The following RFC1 variants were observed in gnomAD, a reference collection of about 807,000 sequenced individuals.
RFC1 encodes A1 140 kDa subunit.
In RFC1, 37 loss-of-function variants were observed where a neutral mutation model predicts 137.4. The observed-to-expected ratio is 0.27, with a 90% CI of 0.21 to 0.35. RFC1 has a LOEUF of 0.35. Ranked by LOEUF, RFC1 falls within the 10% of genes least tolerant of loss-of-function variation. The pLI is 1.00. For missense variants in RFC1, 1,205 were observed against 1,358.5 expected (o/e 0.89, Z 1.78); for synonymous variants, 429 against 455.7 (o/e 0.94, Z 0.75).
intron 10 of RFC1, among the ~76,000 whole-genome samples, chr4:39,315,209 T>G (rs575243539): frequency 6.6e-6 from 1 of 152,362 alleles, no homozygotes; most frequent in South Asian, 2.1e-4. Context: ...TTAATTCATG[T>G]TACTAAATGG....
Position 39,304,934 on chromosome 4 carries a change from C to T in RFC1, c.1996-6G>A, listed in dbSNP as rs2109618181. 6.4e-7 allele frequency: 1 copy of T among 1,560,676 alleles called. No individual in the cohort carries two copies. The highest frequency in any genetic ancestry group is 8.8e-7 in the Non-Finnish European group (1 of 1,131,580). ...ACGTAGCTGTATCCCAACTCCTAAT[C>T]AAAATATTGGAAACCACTGAAGGCA... is the stretch of plus-strand genomic sequence containing the variant. On this transcript the variant is annotated splice_polypyrimidine_tract_variant and splice_region_variant and intron_variant, in intron 14 of 24. Coordinates refer to ENST00000349703, the MANE Select transcript of RFC1 (RefSeq NM_002913.5).
rs777062272 is a variant in RFC1 at position 39,295,716 on chromosome 4, T to C, written c.2852A>G (p.Tyr951Cys). Residue 951 changes from tyrosine (Y) to cysteine (C), a missense_variant, in exon 22 of 25, where the codon TAC becomes TGC. This residue lies in a region of RFC1 where 237 missense variants were observed against 304.2 expected (regional missense o/e 0.78). Transcript: ENST00000349703. ...TGGGAAGGTGGGAAACTGGGTCATG[T>C]ACCCCCTCATCAACTCTCCAGGAAG... ...SVLPGELMRGYMTQFPTFPSW... is the reference protein window; with the variant it reads ...SVLPGELMRGCMTQFPTFPSW... The C allele has an allele frequency of 6.8e-6, 11 of 1,613,680 alleles. No individual in the cohort carries two copies. Among genetic ancestry groups the C allele is most frequent in the Non-Finnish European group, 4.2e-6 (5 of 1,179,752 alleles).
chr4:39,323,286 G>T, intron 7 of RFC1, 54 bp downstream of exon 7: 1 of 1,379,656 alleles, frequency 7.2e-7, no homozygotes, highest in South Asian at 1.4e-5. Context: ...ACGCAAGTAT[G>T]AACACTGATC....
intron 1 of RFC1, among the ~76,000 whole-genome samples, chr4:39,356,577 T>C (rs1226325071): frequency 6.6e-6 from 1 of 152,190 alleles, no homozygotes; most frequent in East Asian, 1.9e-4. Context: ...GCTATGACTT[T>C]ACCTAAGAAA....
chr4:39,304,703 G>A (rs1200649113), intron 15 of RFC1, 111 bp downstream of exon 15: 4 of 732,524 alleles, frequency 5.5e-6, no homozygotes, highest in Non-Finnish European at 9.9e-6. Flanking sequence ...GTTAGCCCCA[G>A]AATTTAGTAG....
chr4:39,310,838 C>CAT (rs2109638424), intron 12 of RFC1, among the ~76,000 whole-genome samples: 1 of 152,148 alleles, frequency 6.6e-6, no homozygotes, highest in African/African-American at 2.4e-5. Flanking sequence ...ATAACCTTTG[C>CAT]ATAAAGTCAA....
At chr4:39,318,285 G>A (rs1392440636) in intron 9 of RFC1, among the ~76,000 whole-genome samples, 2 of 152,192 alleles carry the variant, frequency 1.3e-5, no homozygotes, top group African/African-American at 4.8e-5. Context: ...AAATGTTGGT[G>A]TGTGTTCATA....
At position 39,316,956 on chromosome 4, in the gene RFC1, G is replaced by A. The variant is rs1035947105; in HGVS notation, c.1162C>T (p.Arg388Ter). 1.9e-6 allele frequency: 3 copies of A among 1,613,866 alleles called. No homozygotes were observed. Among genetic ancestry groups the A allele is most frequent in the Non-Finnish European group, 2.5e-6 (3 of 1,179,926 alleles). The change falls in exon 10 of 25, where the codon CGA (arginine) becomes TGA (stop). Residue 388 changes from arginine to a stop codon, truncating the protein, a stop_gained. Transcript: ENST00000349703. LOFTEE classifies it high-confidence loss of function. Reference sequence around the variant, plus strand: ...GAGCCCAGAGCCTTGGGACCTTCTCGATTTAAGTAGCTTCGATAAGCTTGA... The same window carrying A: ...GAGCCCAGAGCCTTGGGACCTTCTCAATTTAAGTAGCTTCGATAAGCTTGA... ...NYQAYRSYLN[R>*]EGPKALGSKE...
chr4:39,326,673 ATAAACCT>A (rs780622030), intron 5 of RFC1, 33 bp from the exon 6 acceptor site: 22 of 1,571,076 alleles, frequency 1.4e-5, no homozygotes, highest in Non-Finnish European at 1.7e-5. Context: ...CAAAATCAGC[ATAAACCT>A]TAAGTTAAAA....
Position 39,306,713 on chromosome 4 carries a change from A to G in RFC1, c.1886-12T>C, listed in dbSNP as rs554375646. 1.3e-6 allele frequency: 2 copies of G among 1,553,588 alleles called. No homozygotes were observed. Among genetic ancestry groups the G allele is most frequent in the East Asian group, 4.5e-5 (2 of 44,602 alleles). ...TTTACCAAACTTTGCTGCTAGGAAA[A>G]AAGAAGTTCCAGAGTGTCAACCTAT... On this transcript the variant is annotated splice_polypyrimidine_tract_variant and intron_variant, in intron 13 of 24. Coordinates refer to ENST00000349703, the MANE Select transcript of RFC1 (RefSeq NM_002913.5).
At chr4:39,350,023 G>A (rs1741105635) in intron 2 of RFC1, among the ~76,000 whole-genome samples, 1 of 151,968 alleles carries the variant, frequency 6.6e-6, no homozygotes, top group Admixed American at 6.6e-5. Context: ...AACTAAAGCA[G>A]CTACTATAAT....
At chr4:39,315,541 G>C (rs1739196685) in intron 10 of RFC1, among the ~76,000 whole-genome samples, 1 of 152,066 alleles carries the variant, frequency 6.6e-6, no homozygotes, top group African/African-American at 2.4e-5. Context: ...CCACATATCT[G>C]CTTGTCTACT....
chr4:39,309,838 A>C (rs1182579602), intron 12 of RFC1, among the ~76,000 whole-genome samples: 2 of 152,228 alleles, frequency 1.3e-5, no homozygotes, highest in Non-Finnish European at 2.9e-5. Flanking sequence ...CAGTTTTTAA[A>C]AAAATTAGTG....
intron 5 of RFC1, 34 bp downstream of exon 5, chr4:39,327,490 C>A: frequency 7.1e-7 from 1 of 1,403,652 alleles, no homozygotes; most frequent in South Asian, 1.3e-5. Flanking sequence ...GGGTATAAAT[C>A]CTGAGCATAC....
intron 1 of RFC1, among the ~76,000 whole-genome samples, chr4:39,352,909 C>T (rs1741277366): frequency 6.6e-6 from 1 of 152,044 alleles, no homozygotes; most frequent in African/African-American, 2.4e-5. Context: ...CTCTTTATTG[C>T]CTGAGAGAAA....
intron 1 of RFC1, among the ~76,000 whole-genome samples, chr4:39,362,270 C>G (rs1741798483): frequency 1.3e-5 from 2 of 152,228 alleles, no homozygotes; most frequent in South Asian, 2.1e-4. Flanking sequence ...AATTCCCTAT[C>G]AAAATTCCAT....
At chr4:39,294,248 G>A (rs147385757) in intron 22 of RFC1, among the ~76,000 whole-genome samples, 271 of 152,224 alleles carry the variant, frequency 1.8e-3, no homozygotes, top group Middle Eastern at 6.8e-3. Flanking sequence ...GAATTTTACA[G>A]GAACAGAAAA....
intron 22 of RFC1, among the ~76,000 whole-genome samples, chr4:39,294,876 C>T (rs1052647812): frequency 1.3e-5 from 2 of 151,936 alleles, no homozygotes; most frequent in African/African-American, 2.4e-5. Flanking sequence ...CGGTGGCGTG[C>T]GCCTATAATC....
At chr4:39,338,689 CAGAT>C (rs948183741) in intron 4 of RFC1, among the ~76,000 whole-genome samples, 3 of 152,124 alleles carry the variant, frequency 2.0e-5, no homozygotes, top group Non-Finnish European at 4.4e-5. Flanking sequence ...AGGGGATACA[CAGAT>C]AGTAAAATAA....
Sources: allele counts gnomAD v4.1 joint callset (sites outside exome capture counted in the v4.1 genomes callset), GRCh38; gene constraint gnomAD v4.1.1; regional missense constraint gnomAD v4.1.1; transcripts MANE v1.5; gene names NCBI Gene and HGNC (gene_info 2026-07-23, HGNC 2026-07-21).